Variants in NAA50 observed in about 807,000 individuals in gnomAD.
NAA50 encodes the protein N-alpha-acetyltransferase 50.
NAA50 carries 7 observed loss-of-function variants against 20.7 expected under a neutral mutation model. That is an observed-to-expected ratio of 0.34 (90% CI 0.19 to 0.63). The LOEUF (loss-of-function observed/expected upper bound fraction) is 0.63. NAA50 is among the 30% of genes least tolerant of loss of function. The pLI is 0.75. For synonymous variants in NAA50, 54 were observed against 70.6 expected, an observed-to-expected ratio of 0.77 and a Z score of 1.18; for missense variants, 111 against 199.1, an observed-to-expected ratio of 0.56 and a Z score of 2.66.
In NAA50 at chr3:113,743,011, T is replaced by C. The variant is rs1708438402; in HGVS notation, c.8+2931A>G. Among the ~76,000 whole-genome samples the C allele has an allele frequency of 2.0e-5, 3 of 152,136 alleles. No homozygotes were observed. The South Asian group carries it at 6.2e-4, about 32-fold the overall frequency. On this transcript the variant is annotated intron_variant, in intron 1 of 4. Coordinates refer to ENST00000240922, the MANE Select transcript of NAA50 (RefSeq NM_025146.4). Reference sequence around the variant, plus strand: ...CAAATTCAAACTACAATGTCCCTGGTTCATAAAAACAGCCAACCTCAAAAG... The same window carrying C: ...CAAATTCAAACTACAATGTCCCTGGCTCATAAAAACAGCCAACCTCAAAAG...
chr3:113,725,929 G>C lies in NAA50; in HGVS notation c.9-1834C>G, dbSNP rs140830904. 4.7e-3 allele frequency among the ~76,000 whole-genome samples: 715 copies of C among 152,234 alleles called. 15 individuals carry two copies. The highest frequency in any genetic ancestry group is 0.034 in the Admixed American group (515 of 15,292). On this transcript the variant is annotated intron_variant, in intron 1 of 4. Coordinates refer to ENST00000240922, the MANE Select transcript of NAA50 (RefSeq NM_025146.4). ...GAACATTCTACTTGGTAAGGAGTTA[G>C]AGGCAAAAACAAGAGACTTTTACCC...
At chr3:113,735,861 T>G (rs1708334190) in intron 1 of NAA50, among the ~76,000 whole-genome samples, 1 of 152,238 alleles carries the variant, frequency 6.6e-6, no homozygotes, top group Non-Finnish European at 1.5e-5. Context: ...TTTTGCATTT[T>G]TAGTAGAGAC....
chr3:113,728,206 ATT>A (rs772155038), intron 1 of NAA50, among the ~76,000 whole-genome samples: 4 of 152,212 alleles, frequency 2.6e-5, no homozygotes, highest in Non-Finnish European at 5.9e-5. Flanking sequence ...AAAAGTCCAA[ATT>A]CTCTATTAAA....
intron 1 of NAA50, among the ~76,000 whole-genome samples, chr3:113,729,407 T>C (rs1402446674): frequency 6.6e-6 from 1 of 152,268 alleles, no homozygotes; most frequent in Non-Finnish European, 1.5e-5. Context: ...TTCAGGTATT[T>C]TCAAATTAGA....
At chr3:113,744,147 G>T (rs1467525862) in intron 1 of NAA50, among the ~76,000 whole-genome samples, 1 of 152,136 alleles carries the variant, frequency 6.6e-6, no homozygotes, top group African/African-American at 2.4e-5. Flanking sequence ...AAATGAGTAA[G>T]AGTCAGCAAC....
chr3:113,723,460 G>A lies in NAA50; in HGVS notation c.227C>T (p.Thr76Ile). 6.2e-7 allele frequency: 1 copy of A among 1,612,782 alleles called. No individual in the cohort carries two copies. The highest frequency in any genetic ancestry group is 8.5e-7 in the Non-Finnish European group (1 of 1,179,248). ...SQNQKRLYIM[T>I]LGCLAPYRRL... ...TCGGTAAGGTGCCAGACATCCTAGT[G>A]TCATGATGTAAAGTCTCTTCTGATT... Residue 76 changes from threonine (T) to isoleucine (I), a missense_variant, in exon 3 of 5, where the codon ACA becomes ATA. Physicochemically the swap from Thr to Ile is moderately conservative, Grantham distance 89. Transcript: ENST00000240922.
intron 1 of NAA50, among the ~76,000 whole-genome samples, chr3:113,743,021 C>T (rs1004129925): frequency 4.6e-5 from 7 of 152,134 alleles, no homozygotes; most frequent in African/African-American, 1.7e-4. Context: ...TTCATAAAAA[C>T]AGCCAACCTC....
chr3:113,728,294 G>A (rs1199506561), intron 1 of NAA50, among the ~76,000 whole-genome samples: 2 of 152,134 alleles, frequency 1.3e-5, no homozygotes, highest in Admixed American at 6.5e-5. Context: ...TAATAGAGTT[G>A]CCTAAAGCAT....
At chr3:113,737,573 T>C (rs1400443719) in intron 1 of NAA50, among the ~76,000 whole-genome samples, 1 of 152,218 alleles carries the variant, frequency 6.6e-6, no homozygotes, top group Non-Finnish European at 1.5e-5. Flanking sequence ...ATCTTACCTC[T>C]TCTATAAAAC....
At chr3:113,723,367 A>G in intron 3 of NAA50, 55 bp downstream of exon 3, 4 of 1,528,990 alleles carry the variant, frequency 2.6e-6, no homozygotes, top group South Asian at 1.2e-5. Context: ...CAGACACATT[A>G]ACAAATAATA....
intron 1 of NAA50, among the ~76,000 whole-genome samples, chr3:113,724,320 C>CAT (rs1262145000): frequency 1.3e-5 from 2 of 152,190 alleles, no homozygotes; most frequent in Non-Finnish European, 2.9e-5. Flanking sequence ...AAATATGGTA[C>CAT]ACAACGACTA....
At chr3:113,730,360 A>C (rs1467981977) in intron 1 of NAA50, among the ~76,000 whole-genome samples, 1 of 151,994 alleles carries the variant, frequency 6.6e-6, no homozygotes, top group Admixed American at 6.6e-5. Flanking sequence ...ATCAGCTTGC[A>C]ATTTTCTATT....
At chr3:113,745,267 G>A (rs556038482) in intron 1 of NAA50, among the ~76,000 whole-genome samples, 2 of 152,198 alleles carry the variant, frequency 1.3e-5, no homozygotes, top group South Asian at 2.1e-4. Context: ...ACCCAGGACC[G>A]CCTCAGCACT....
intron 1 of NAA50, among the ~76,000 whole-genome samples, chr3:113,732,864 A>G (rs1708288857): frequency 6.6e-6 from 1 of 152,256 alleles, no homozygotes; most frequent in South Asian, 2.1e-4. Context: ...TGACGTTTAT[A>G]TTTCCATCAG....
chr3:113,737,285 A>T (rs1708356413), intron 1 of NAA50, among the ~76,000 whole-genome samples: 1 of 152,248 alleles, frequency 6.6e-6, no homozygotes, highest in Non-Finnish European at 1.5e-5. Context: ...TTGATTTAAA[A>T]ATGTCAAGGG....
At chr3:113,730,444 G>A (rs552212615) in intron 1 of NAA50, among the ~76,000 whole-genome samples, 31 of 147,548 alleles carry the variant, frequency 2.1e-4, no homozygotes, top group African/African-American at 6.0e-4. Context: ...CTTGGCTTTC[G>A]GAAAAAAAAA....
chr3:113,741,393 T>C, intron 1 of NAA50: 1 of 194,990 alleles, frequency 5.1e-6, no homozygotes, highest in Non-Finnish European at 1.0e-5. Flanking sequence ...TAGACTTAAA[T>C]ATAGCTCTCA....
At chr3:113,741,117 AC>A in intron 1 of NAA50, 1 of 549,496 alleles carries the variant, frequency 1.8e-6, no homozygotes, top group Non-Finnish European at 3.6e-6. Flanking sequence ...GGATGACTAT[AC>A]TTGAATGAAG....
chr3:113,738,258 T>C (rs745874725), intron 1 of NAA50, among the ~76,000 whole-genome samples: 3 of 152,248 alleles, frequency 2.0e-5, no homozygotes, highest in African/African-American at 7.2e-5. Context: ...GAAAGCTCCT[T>C]GCCAGCTTAT....
Sources: gnomAD v4.1 joint callset for allele counts (sites outside exome capture counted in the v4.1 genomes callset) on GRCh38, gnomAD v4.1.1 for gene constraint, MANE v1.5 for transcripts, NCBI Gene and HGNC (gene_info 2026-07-23, HGNC 2026-07-21) for gene names.